The following MEPE variants were observed in gnomAD, a reference collection of about 807,000 sequenced individuals.
MEPE encodes matrix extracellular phosphoglycoprotein.
A neutral mutation model predicts 7.3 loss-of-function variants in MEPE; 7 were observed. The observed-to-expected ratio is 0.95, with a 90% CI of 0.54 to 1.79. The LOEUF is 1.79. MEPE is among the 40% of genes most tolerant of loss of function. MEPE has a pLI of 0.00. For synonymous variants in MEPE, 214 were observed against 213.1 expected, an observed-to-expected ratio of 1.00 and a Z score of -0.04; for missense variants, 623 against 628.2, an observed-to-expected ratio of 0.99 and a Z score of 0.09.
chr4:87,843,459 T>G (rs1723091321), intron 3 of MEPE, among the ~76,000 whole-genome samples: 4 of 152,130 alleles, frequency 2.6e-5, no homozygotes, highest in African/African-American at 9.7e-5. Flanking sequence ...GCTTAGAACA[T>G]GCAGCACCCA....
chr4:87,846,465 C>A lies in MEPE; in HGVS notation c.*19C>A. ...TGACTAGTCCACCAGGAGTTCCCAG[C>A]GGGGTGACAGTCTGAAGACCTCGTC... On this transcript the variant is annotated 3_prime_UTR_variant, in exon 4 of 4. Transcript: ENST00000361056. 5.0e-6 allele frequency: 8 copies of A among 1,599,132 alleles called. No homozygotes were observed. The highest frequency in any genetic ancestry group is 6.8e-6 in the Non-Finnish European group (8 of 1,172,994).
intron 1 of MEPE, among the ~76,000 whole-genome samples, chr4:87,825,233 G>T (rs144581373): frequency 2.6e-4 from 39 of 152,300 alleles, no homozygotes; most frequent in African/African-American, 8.7e-4. Flanking sequence ...GATCAGGTAT[G>T]TCTCACCTCT....
upstream of MEPE, among the ~76,000 whole-genome samples, chr4:87,832,425 T>C (rs936124228): frequency 5.9e-5 from 9 of 152,214 alleles, no homozygotes; most frequent in African/African-American, 2.2e-4. Context: ...CTCCTTAGAC[T>C]TAGTATATGT....
In MEPE at chr4:87,845,761, C is replaced by CA. The variant is rs775965129; in HGVS notation, c.899dup (p.Pro301AlafsTer4). 4 of 1,613,650 alleles carry CA rather than the reference C, an allele frequency of 2.5e-6. No individual in the cohort carries two copies. The highest frequency in any genetic ancestry group is 2.2e-5 in the South Asian group (2 of 91,056). On this transcript the variant is annotated frameshift_variant, in exon 4 of 4. Coordinates refer to ENST00000361056, the MANE Select transcript of MEPE (RefSeq NM_020203.6). LOFTEE classifies it low-confidence loss of function (END_TRUNC). Reference sequence around the variant, plus strand: ...GAAGCTGAGAGTACTCATCTTGACACAAAAAAGCCAGGTTATAATGAGATC... The same window carrying CA: ...GAAGCTGAGAGTACTCATCTTGACACAAAAAAAGCCAGGTTATAATGAGATC...
At chr4:87,838,385 G>T (rs1353914065) in intron 2 of MEPE, among the ~76,000 whole-genome samples, 1 of 152,152 alleles carries the variant, frequency 6.6e-6, no homozygotes, top group African/African-American at 2.4e-5. Flanking sequence ...GTCTGAGCTT[G>T]AATCCAGTTC....
At chr4:87,829,843 T>G (rs1228439667), upstream of MEPE, among the ~76,000 whole-genome samples, 1 of 148,622 alleles carries the variant, frequency 6.7e-6, no homozygotes, top group African/African-American at 2.5e-5. Flanking sequence ...CCTTGTTAGC[T>G]CCTTTCTATA....
chr4:87,838,729 T>C (rs758320935), intron 3 of MEPE, 44 bp downstream of exon 3: 1 of 1,567,138 alleles, frequency 6.4e-7, no homozygotes, highest in South Asian at 1.1e-5. Flanking sequence ...TTCAGCTCTA[T>C]AAAGAAAAAG....
rs1182515710 is a variant in MEPE, at chr4:87,846,263, T to C, written c.1395T>C (p.His465=). ...CCAGTCATGAGAATATAATAACACA[T>C]GGCAGAAAATATCATTATGTACCCC... ...NGPSHENIIT[H]GRKYHYVPHR... is the part of the protein sequence containing the mutation. Residue 465 remains histidine, a synonymous_variant, in exon 4 of 4, where the codon CAT becomes CAC. Coordinates refer to ENST00000361056, the MANE Select transcript of MEPE (RefSeq NM_020203.6). 1.2e-6 allele frequency: 2 copies of C among 1,614,002 alleles called. No homozygotes were observed. Among genetic ancestry groups the C allele is most frequent in the Admixed American group, 1.7e-5 (1 of 59,994 alleles).
At chr4:87,840,062 T>A (rs184435358) in intron 3 of MEPE, 1 of 1,533,454 alleles carries the variant, frequency 6.5e-7, no homozygotes, top group African/African-American at 1.4e-5. Context: ...CAGGTGCCCA[T>A]GGACTGCTGT....
At chr4:87,834,958 A>C (rs7674613) in intron 2 of MEPE, among the ~76,000 whole-genome samples, 190 bp downstream of exon 2, 10,335 of 152,236 alleles carry the variant, frequency 0.068, 1,184 homozygotes, top group African/African-American at 0.24. Context: ...ACATGTGCTG[A>C]ATTATGAGAT....
chr4:87,838,035 T>G (rs1722865796), intron 2 of MEPE, among the ~76,000 whole-genome samples: 1 of 152,204 alleles, frequency 6.6e-6, no homozygotes, highest in Admixed American at 6.6e-5. Context: ...TATCCTAATC[T>G]GCTGGCCACC....
Position 87,846,118 on chromosome 4 carries a change from A to G in MEPE, c.1250A>G (p.Asn417Ser). ...AAGGGTGTAGATCATTCTAATAGGA[A>G]CCAAGCAACCTTAAATGAAAAACAA... ...TRKGVDHSNR[N>S]QATLNEKQRF... is the part of the protein sequence containing the mutation. The change falls in exon 4 of 4, where the codon AAC becomes AGC. Residue 417 changes from asparagine to serine, a missense_variant. Physicochemically the swap from Asn to Ser is conservative, Grantham distance 46. Transcript: ENST00000361056. 6.2e-7 allele frequency: 1 copy of G among 1,605,846 alleles called. No homozygotes were observed.
chr4:87,841,564 G>A (rs1723014313), intron 3 of MEPE, among the ~76,000 whole-genome samples: 1 of 151,982 alleles, frequency 6.6e-6, no homozygotes, highest in South Asian at 2.1e-4. Flanking sequence ...AAAGTAGAGG[G>A]CACTTCTAAA....
intron 1 of MEPE, among the ~76,000 whole-genome samples, chr4:87,825,196 T>G (rs1363903599): frequency 4.6e-5 from 7 of 152,218 alleles, no homozygotes; most frequent in Admixed American, 4.6e-4. Context: ...TTCACTATAC[T>G]GTCTTTCAAA....
chr4:87,831,596 T>G (rs576054488), upstream of MEPE, among the ~76,000 whole-genome samples: 53 of 152,310 alleles, frequency 3.5e-4, no homozygotes, highest in African/African-American at 1.3e-3. Flanking sequence ...CCATTCTCTC[T>G]GCCTTTTTCC....
chr4:87,827,576 G>T (rs893653632), intron 1 of MEPE, among the ~76,000 whole-genome samples: 3 of 152,104 alleles, frequency 2.0e-5, no homozygotes, highest in Admixed American at 2.0e-4. Flanking sequence ...TATTATGAGG[G>T]TAAGAGATAT....
intron 3 of MEPE, among the ~76,000 whole-genome samples, chr4:87,840,877 T>C (rs1312197433): frequency 6.6e-6 from 1 of 152,072 alleles, no homozygotes; most frequent in African/African-American, 2.4e-5. Flanking sequence ...AACCAAAGCA[T>C]GGAGACAGAA....
intron 1 of MEPE, among the ~76,000 whole-genome samples, chr4:87,824,816 G>A (rs1167947473): frequency 1.3e-5 from 2 of 152,072 alleles, no homozygotes; most frequent in Admixed American, 6.5e-5. Flanking sequence ...AGCAACCTGA[G>A]GATTTTCTCC....
Position 87,846,192 on chromosome 4 carries a change from G to C in MEPE, c.1324G>C (p.Gly442Arg), listed in dbSNP as rs1668954632. The change falls in exon 4 of 4, where the codon GGT becomes CGT. Residue 442 changes from glycine to arginine, a missense_variant. Gly to Arg is a moderately radical substitution (Grantham distance 125). Transcript: ENST00000361056. Reference protein sequence around the residue: ...KSQGLPIPSRGLDNEIKNEMD... With the variant: ...KSQGLPIPSRRLDNEIKNEMD... ...TCAGGGCCTGCCCATTCCTTCTCGTGGTCTTGATAATGAAATCAAAAACGA... is the reference window on the plus strand; with the variant it reads ...TCAGGGCCTGCCCATTCCTTCTCGTCGTCTTGATAATGAAATCAAAAACGA... 3 of 1,613,986 alleles carry C rather than the reference G, an allele frequency of 1.9e-6. No homozygotes were observed. The highest frequency in any genetic ancestry group is 2.5e-6 in the Non-Finnish European group (3 of 1,179,966).
Sources: gnomAD v4.1 joint callset for allele counts (sites outside exome capture counted in the v4.1 genomes callset) on GRCh38, gnomAD v4.1.1 for gene constraint, MANE v1.5 for transcripts, NCBI Gene and HGNC (gene_info 2026-07-23, HGNC 2026-07-21) for gene names.